KCNH8: variants seen among roughly 807,000 people sequenced by gnomAD.
The protein encoded by KCNH8 is voltage-gated delayed rectifier potassium channel KCNH8.
KCNH8 carries 70 observed loss-of-function variants against 103.6 expected under a neutral mutation model. The ratio of observed to expected loss-of-function variants is 0.68; its 90% CI spans 0.56 to 0.82. The LOEUF (loss-of-function observed/expected upper bound fraction) is 0.82, where lower values mean the gene tolerates loss of function less well. Among genes scored for constraint, KCNH8 ranks in the 40% least tolerant of loss-of-function variants. KCNH8 has a pLI of 0.00. For missense variants in KCNH8, 1,217 were observed against 1,329.9 expected (o/e 0.92, Z 1.32); for synonymous variants, 498 against 489.4 (o/e 1.02, Z -0.23).
intron 3 of KCNH8, among the ~76,000 whole-genome samples, chr3:19,326,488 A>G (rs1347975627): frequency 6.6e-6 from 1 of 151,130 alleles, no homozygotes; most frequent in African/African-American, 2.4e-5. Context: ...TACTTTTTAA[A>G]CTCCTTTTTC....
chr3:19,421,541 T>C (rs1264805901), intron 7 of KCNH8, among the ~76,000 whole-genome samples: 1 of 152,114 alleles, frequency 6.6e-6, no homozygotes, highest in Non-Finnish European at 1.5e-5. Context: ...TTTTTGATTT[T>C]ATTGAAATTA....
intron 3 of KCNH8, among the ~76,000 whole-genome samples, chr3:19,310,883 A>T (rs1006221023): frequency 6.6e-6 from 1 of 151,830 alleles, no homozygotes; most frequent in Admixed American, 6.6e-5. Context: ...AGCCTGGGAG[A>T]ATTATCCATG....
chr3:19,172,937 T>C lies in KCNH8; in HGVS notation c.76+24142T>C, dbSNP rs149361533. On this transcript the variant is annotated intron_variant, in intron 1 of 15. Coordinates refer to ENST00000328405, the MANE Select transcript of KCNH8 (RefSeq NM_144633.3). ...TTACCTATATGCCTTCTTGGATGTA[T>C]GTTATTGAAAAGAAAAAAAATCTGA... Among the ~76,000 whole-genome samples, 1,047 of 152,202 alleles carry C rather than the reference T, an allele frequency of 6.9e-3. 11 individuals are homozygous for C. The highest frequency in any genetic ancestry group is 0.023 in the African/African-American group (949 of 41,510).
At chr3:19,236,397 C>T (rs1158055152) in intron 1 of KCNH8, among the ~76,000 whole-genome samples, 1 of 152,144 alleles carries the variant, frequency 6.6e-6, no homozygotes, top group Non-Finnish European at 1.5e-5. Flanking sequence ...TCGTGTACTG[C>T]CTCCCTTCTC....
chr3:19,227,591 T>C (rs908504693), intron 1 of KCNH8, among the ~76,000 whole-genome samples: 1 of 152,198 alleles, frequency 6.6e-6, no homozygotes. Flanking sequence ...GATACAAAGA[T>C]ATAAGACATA....
At chr3:19,436,906 A>C (rs945100876) in intron 7 of KCNH8, among the ~76,000 whole-genome samples, 1 of 152,206 alleles carries the variant, frequency 6.6e-6, no homozygotes, top group African/African-American at 2.4e-5. Flanking sequence ...CAAGCCCTCT[A>C]GGTGTTTCTG....
chr3:19,250,115 G>A (rs1254227648), intron 1 of KCNH8, among the ~76,000 whole-genome samples: 1 of 151,988 alleles, frequency 6.6e-6, no homozygotes, highest in Non-Finnish European at 1.5e-5. Context: ...TCTCTACAGA[G>A]AAAAATCTGT....
chr3:19,389,037 A>C (rs894191069), intron 5 of KCNH8, among the ~76,000 whole-genome samples: 2 of 152,202 alleles, frequency 1.3e-5, no homozygotes, highest in African/African-American at 4.8e-5. Context: ...CCTGTGTGTT[A>C]TCTACAATAA....
chr3:19,473,924 T>G (rs898729950), intron 11 of KCNH8, among the ~76,000 whole-genome samples: 2 of 152,220 alleles, frequency 1.3e-5, no homozygotes, highest in Non-Finnish European at 2.9e-5. Flanking sequence ...AACGTAATTC[T>G]ATTATGCTTT....
At chr3:19,489,533 C>G (rs989674232) in intron 11 of KCNH8, among the ~76,000 whole-genome samples, 1 of 152,128 alleles carries the variant, frequency 6.6e-6, no homozygotes, top group African/African-American at 2.4e-5. Flanking sequence ...AGGCTTCCTT[C>G]TGATGGCCAA....
intron 5 of KCNH8, among the ~76,000 whole-genome samples, chr3:19,367,681 GAAC>G (rs944255678): frequency 7.2e-5 from 11 of 151,846 alleles, no homozygotes; most frequent in African/African-American, 2.7e-4. Flanking sequence ...TCATTGAGTT[GAAC>G]AACAGCCTTA....
chr3:19,297,450 A>G (rs1312172757), intron 3 of KCNH8, among the ~76,000 whole-genome samples: 2 of 152,260 alleles, frequency 1.3e-5, no homozygotes, highest in African/African-American at 4.8e-5. Flanking sequence ...GGATAAGTAC[A>G]GAAAATTAAG....
chr3:19,514,951 A>T (rs1398646397), intron 13 of KCNH8, among the ~76,000 whole-genome samples: 2 of 134,510 alleles, frequency 1.5e-5, no homozygotes, highest in Non-Finnish European at 3.3e-5. Flanking sequence ...TAAATTATCT[A>T]ACAAACAGCT....
chr3:19,310,270 T>A (rs1315293221), intron 3 of KCNH8, among the ~76,000 whole-genome samples: 2 of 151,956 alleles, frequency 1.3e-5, no homozygotes, highest in African/African-American at 4.8e-5. Context: ...CATAAGTGAC[T>A]AATAGAAAAC....
At chr3:19,365,366 T>C (rs2065996993) in intron 5 of KCNH8, among the ~76,000 whole-genome samples, 1 of 152,140 alleles carries the variant, frequency 6.6e-6, no homozygotes, top group African/African-American at 2.4e-5. Context: ...GCTGGTATTC[T>C]ATGCAAACTT....
intron 2 of KCNH8, among the ~76,000 whole-genome samples, chr3:19,272,285 A>G (rs1575485443): frequency 2.0e-5 from 3 of 152,130 alleles, no homozygotes; most frequent in Admixed American, 1.3e-4. Context: ...TTGAGGTACA[A>G]TGACAAGAAG....
chr3:19,511,948 T>C (rs532765078), intron 12 of KCNH8, among the ~76,000 whole-genome samples: 12 of 152,150 alleles, frequency 7.9e-5, no homozygotes, highest in African/African-American at 2.4e-4. Context: ...AAAATCCATA[T>C]ACACCAAAAA....
intron 7 of KCNH8, among the ~76,000 whole-genome samples, chr3:19,435,782 T>A (rs2067190448): frequency 6.6e-6 from 1 of 152,204 alleles, no homozygotes; most frequent in Non-Finnish European, 1.5e-5. Context: ...TCTCCATAGT[T>A]TTTCATTAAA....
At position 19,450,347 on chromosome 3, in the gene KCNH8, T is replaced by C. The variant is rs747884434; in HGVS notation, c.1575+42T>C. On this transcript the variant is annotated intron_variant, in intron 9 of 15. Transcript: ENST00000328405. ...ATGTTGTTTTCAGGCAGAAAGCACA[T>C]ATTCTAAGGTAAACGCAAGATGTTC... The C allele has an allele frequency of 3.4e-6, 5 of 1,489,524 alleles. No homozygotes were observed. In the African/African-American group the frequency reaches 6.9e-5, roughly 21 times the overall value. 92.3% of individuals were successfully genotyped at this position (1,489,524 alleles called of 1,614,324 possible). A position where few individuals can be genotyped will look rare whatever the true frequency, so the allele number is the denominator to read the frequency against.
Sources: gnomAD v4.1 joint callset for allele counts (sites outside exome capture counted in the v4.1 genomes callset) on GRCh38, gnomAD v4.1.1 for gene constraint, MANE v1.5 for transcripts, NCBI Gene and HGNC (gene_info 2026-07-23, HGNC 2026-07-21) for gene names.